CERS1: variants seen among roughly 807,000 people sequenced by gnomAD.
The protein encoded by CERS1 is Embryonic growth/differentiation factor 1.
In CERS1, 16 loss-of-function variants were observed where a neutral mutation model predicts 35.7. The ratio of observed to expected loss-of-function variants is 0.45; its 90% CI spans 0.30 to 0.68. The LOEUF is 0.68. Among genes scored for constraint, CERS1 ranks in the 30% least tolerant of loss-of-function variants. The pLI is 0.08. For missense variants in CERS1, 454 were observed against 453.9 expected (o/e 1.00, Z 0.00); for synonymous variants, 243 against 201.6 (o/e 1.21, Z -1.74).
At chr19:18,884,400 T>C (rs2056298035) in intron 2 of CERS1, 133 bp from the exon 3 acceptor site, 2 of 752,386 alleles carry the variant, frequency 2.7e-6, no homozygotes, top group Non-Finnish European at 4.1e-6. Flanking sequence ...GACTGCTGGC[T>C]TTCCATTCCC....
intron 1 of CERS1, among the ~76,000 whole-genome samples, chr19:18,894,247 G>A (rs1208520896): frequency 6.6e-6 from 1 of 150,416 alleles, no homozygotes; most frequent in African/African-American, 2.4e-5. Context: ...GGGGAGTGCG[G>A]TGGGTGGGTG....
chr19:18,873,773 G>A (rs1258419674), intron 6 of CERS1, among the ~76,000 whole-genome samples: 5 of 150,136 alleles, frequency 3.3e-5, no homozygotes, highest in East Asian at 2.0e-4. Context: ...CCTGGAAGGC[G>A]GAGGTTGCAG....
rs185986811 is a variant in CERS1, at chr19:18,890,221, C to T, written c.409+3195G>A. Among the ~76,000 whole-genome samples the T allele has an allele frequency of 1.5e-3, 233 of 152,318 alleles. 1 individual carries two copies. Among genetic ancestry groups the T allele is most frequent in the Non-Finnish European group, 2.5e-3 (172 of 68,028 alleles). On this transcript the variant is annotated intron_variant, in intron 2 of 7. Coordinates refer to ENST00000623882, the MANE Select transcript of CERS1 (RefSeq NM_021267.5). ...ACTCAGTCCCCTTAAGTGGGGCCAC[C>T]CCTGTCCCTGCTAAAAACTGCCCCT...
chr19:18,872,930 G>C (rs896630195), intron 6 of CERS1, among the ~76,000 whole-genome samples: 2 of 152,324 alleles, frequency 1.3e-5, no homozygotes, highest in East Asian at 3.9e-4. Context: ...ATTTATGGGC[G>C]TGAGCCACCA....
intron 6 of CERS1, among the ~76,000 whole-genome samples, chr19:18,876,763 C>A (rs1433994656): frequency 1.3e-5 from 2 of 152,174 alleles, no homozygotes; most frequent in Non-Finnish European, 2.9e-5. Context: ...TCACCTCCAT[C>A]CAGCTCCCCT....
At chr19:18,879,424 G>A (rs948799870) in intron 4 of CERS1, 36 bp from the exon 5 acceptor site, 12 of 1,548,690 alleles carry the variant, frequency 7.7e-6, no homozygotes, top group Non-Finnish European at 1.0e-5. Context: ...GTGGGTGGAG[G>A]GGGACGGTGC....
chr19:18,869,331 C>G lies in CERS1; in HGVS notation c.*654G>C, dbSNP rs1238991458. The G allele has an allele frequency of 6.5e-7, 1 of 1,528,780 alleles. No individual in the cohort carries two copies. Among genetic ancestry groups the G allele is most frequent in the Non-Finnish European group, 8.7e-7 (1 of 1,144,986 alleles). 94.7% of individuals were successfully genotyped at this position (1,528,780 alleles called of 1,614,324 possible). ...TCCACAGCCGACAGGTCGAAGACGA[C>G]TGTCCACTCAGGGCAATGCCCCGCG... On this transcript the variant is annotated 3_prime_UTR_variant, in exon 8 of 8. Transcript: ENST00000623882.
chr19:18,874,198 A>C (rs966843787), intron 6 of CERS1, among the ~76,000 whole-genome samples: 1 of 152,212 alleles, frequency 6.6e-6, no homozygotes, highest in African/African-American at 2.4e-5. Context: ...TGTTGGCCAG[A>C]TTATCAGTGC....
chr19:18,877,165 TCTGG>T (rs761631376), intron 6 of CERS1, among the ~76,000 whole-genome samples: 27 of 152,338 alleles, frequency 1.8e-4, no homozygotes, highest in African/African-American at 5.8e-4. Context: ...CCTGATACTC[TCTGG>T]CACTTCTGTA....
rs575226758 is a variant in CERS1 at position 18,895,214 on chromosome 19, A to G, written c.249+610T>C. 6.6e-6 allele frequency among the ~76,000 whole-genome samples: 1 copy of G among 152,308 alleles called. No homozygotes were observed. The highest frequency in any genetic ancestry group is 1.5e-5 in the Non-Finnish European group (1 of 68,014). On this transcript the variant is annotated intron_variant, in intron 1 of 7. Coordinates refer to ENST00000623882, the MANE Select transcript of CERS1 (RefSeq NM_021267.5). The surrounding 1 kb of genome is among the most constrained non-coding windows in gnomAD (Gnocchi z 6.4). ...AGGGTGGCGCTGACCCCAGATAGGC[A>G]CAAGGCAGCGACCGGGCAGCTCCTG... is the stretch of plus-strand genomic sequence containing the variant.
intron 1 of CERS1, among the ~76,000 whole-genome samples, chr19:18,893,813 C>T (rs73923180): frequency 0.013 from 2,018 of 150,658 alleles, 41 homozygotes; most frequent in African/African-American, 0.042. Flanking sequence ...GGGGAGGCCC[C>T]GAGGGGAGCA....
At position 18,869,925 on chromosome 19, in the gene CERS1, G is replaced by C. The variant is rs999479369; in HGVS notation, c.*594+58C>G. 21 of 1,506,526 alleles carry C rather than the reference G, an allele frequency of 1.4e-5. No homozygotes were observed. The African/African-American group carries it at 2.2e-4, about 16-fold the overall frequency. 93.3% of individuals were successfully genotyped at this position (1,506,526 alleles called of 1,614,324 possible). Reference sequence around the variant, plus strand: ...CGGGCATCCCCGGGCCACTCTCGAGGCTCGCCCTGCGAGGTCTGGCCTCCA... The same window carrying C: ...CGGGCATCCCCGGGCCACTCTCGAGCCTCGCCCTGCGAGGTCTGGCCTCCA... On this transcript the variant is annotated intron_variant, in intron 7 of 7. Coordinates refer to ENST00000623882, the MANE Select transcript of CERS1 (RefSeq NM_021267.5).
chr19:18,871,503 T>G (rs2055969941), intron 6 of CERS1, among the ~76,000 whole-genome samples: 1 of 152,174 alleles, frequency 6.6e-6, no homozygotes, highest in Non-Finnish European at 1.5e-5. Context: ...ATTACAGGCG[T>G]GAGCCACCGT....
Position 18,878,910 on chromosome 19 carries a change from G to A in CERS1, c.1010+20C>T, listed in dbSNP as rs770521973. On this transcript the variant is annotated intron_variant, in intron 6 of 7. Coordinates refer to ENST00000623882, the MANE Select transcript of CERS1 (RefSeq NM_021267.5). The surrounding 1 kb of genome is among the most constrained non-coding windows in gnomAD (Gnocchi z 4.6). ...GACACTAAAGGAGGGAACGCGGGGT[G>A]CGGGCCCCTCCACACTCACTCGGCT... 5 of 1,612,224 alleles carry A rather than the reference G, an allele frequency of 3.1e-6. No homozygotes were observed. Among genetic ancestry groups the A allele is most frequent in the Non-Finnish European group, 2.5e-6 (3 of 1,179,460 alleles).
chr19:18,895,895 G>C lies in CERS1; in HGVS notation c.178C>G (p.Leu60Val), dbSNP rs760185006. The C allele has an allele frequency of 3.2e-6, 4 of 1,264,130 alleles. No individual in the cohort carries two copies. Among genetic ancestry groups the C allele is most frequent in the Admixed American group, 8.4e-5 (2 of 23,786 alleles). 78.3% of individuals were successfully genotyped at this position (1,264,130 alleles called of 1,614,324 possible). The change falls in exon 1 of 8, where the codon CTG (leucine) becomes GTG (valine). Residue 60 changes from leucine to valine, a missense_variant. Leu to Val is a conservative substitution (Grantham distance 32). Transcript: ENST00000623882. The surrounding 1 kb of genome is among the most constrained non-coding windows in gnomAD (Gnocchi z 6.4). ...AGCGCGCCGAGCGCCAGCAGCAGCAGCTCGGGCGGCGCCAGGTGCGCGTGC... is the reference window on the plus strand; with the variant it reads ...AGCGCGCCGAGCGCCAGCAGCAGCACCTCGGGCGGCGCCAGGTGCGCGTGC... ...AEHAHLAPPELLLLALGALGW... is the reference protein window; with the variant it reads ...AEHAHLAPPEVLLLALGALGW...
chr19:18,877,959 G>A (rs1234267829), intron 6 of CERS1: 7 of 983,896 alleles, frequency 7.1e-6, no homozygotes, highest in Admixed American at 6.2e-5. Context: ...CACCCAAGGC[G>A]AATCTGATGG....
chr19:18,869,671 G>C (rs1342858323), intron 7 of CERS1, among the ~76,000 whole-genome samples: 117 of 149,964 alleles, frequency 7.8e-4, no homozygotes, highest in Non-Finnish European at 1.8e-4. Flanking sequence ...GGGCCCCTGG[G>C]GAAGCCATGC....
chr19:18,895,780 C>A lies in CERS1; in HGVS notation c.249+44G>T. 9.0e-7 allele frequency: 1 copy of A among 1,107,834 alleles called. No homozygotes were observed. The highest frequency in any genetic ancestry group is 1.1e-6 in the Non-Finnish European group (1 of 881,946). The allele number at this position is 1,107,834 out of a possible 1,614,324, so 68.6% of individuals were successfully genotyped here. ...GCCCCAGGTCCCCGGTCCCGGCTTCCCCCAGTCCGGGGTCCCCTCGTCCCG... is the reference window on the plus strand; with the variant it reads ...GCCCCAGGTCCCCGGTCCCGGCTTCACCCAGTCCGGGGTCCCCTCGTCCCG... On this transcript the variant is annotated intron_variant, in intron 1 of 7. Coordinates refer to ENST00000623882, the MANE Select transcript of CERS1 (RefSeq NM_021267.5). The surrounding 1 kb of genome is among the most constrained non-coding windows in gnomAD (Gnocchi z 6.4).
At position 18,868,787 on chromosome 19, in the gene CERS1, C is replaced by A; in HGVS notation, c.*1198G>T. 1 of 1,463,856 alleles carries A rather than the reference C, an allele frequency of 6.8e-7. No individual in the cohort carries two copies. The highest frequency in any genetic ancestry group is 9.1e-7 in the Non-Finnish European group (1 of 1,098,688). The allele number at this position is 1,463,856 out of a possible 1,614,324, so 90.7% of individuals were successfully genotyped here. ...AGCGTGGTTGAGCGCCGGCGGCCCC[C>A]CGGACCCCGACAGCGCGACGGGCAG... is the stretch of plus-strand genomic sequence containing the variant. On this transcript the variant is annotated 3_prime_UTR_variant, in exon 8 of 8. Transcript: ENST00000623882.
Sources: allele counts gnomAD v4.1 joint callset (sites outside exome capture counted in the v4.1 genomes callset), GRCh38; gene constraint gnomAD v4.1.1; non-coding constraint Gnocchi (gnomAD v3.1); transcripts MANE v1.5; gene names NCBI Gene and HGNC (gene_info 2026-07-23, HGNC 2026-07-21).